The following MED27 variants were observed in gnomAD, a reference collection of about 807,000 sequenced individuals.
MED27 encodes mediator of RNA polymerase II transcription subunit 27.
In MED27, 30 loss-of-function variants were observed where a neutral mutation model predicts 38.2. The observed-to-expected ratio is 0.79, with a 90% CI of 0.59 to 1.07. The LOEUF (loss-of-function observed/expected upper bound fraction) is 1.07, where lower values mean the gene tolerates loss of function less well. Among genes scored for constraint, MED27 ranks in the 50% least tolerant of loss-of-function variants. MED27 has a pLI of 0.00. For missense variants in MED27, 289 were observed against 397.5 expected (o/e 0.73, Z 2.32); for synonymous variants, 122 against 153.5 (o/e 0.79, Z 1.52).
chr9:132,024,874 C>T (rs1280611863), intron 2 of MED27, among the ~76,000 whole-genome samples: 3 of 152,198 alleles, frequency 2.0e-5, no homozygotes, highest in Non-Finnish European at 4.4e-5. Flanking sequence ...AAGCTTGACA[C>T]GTGAAATAAT....
At chr9:131,920,065 C>A (rs902111886) in intron 4 of MED27, among the ~76,000 whole-genome samples, 1 of 152,160 alleles carries the variant, frequency 6.6e-6, no homozygotes, top group Admixed American at 6.5e-5. Flanking sequence ...CCTGCCTCAG[C>A]CTCCTAAAGT....
intron 3 of MED27, among the ~76,000 whole-genome samples, chr9:131,942,034 C>T (rs1057082809): frequency 1.3e-5 from 2 of 152,002 alleles, no homozygotes; most frequent in Admixed American, 6.6e-5. Flanking sequence ...ACCATATTAG[C>T]CAGGATGGTC....
intron 3 of MED27, among the ~76,000 whole-genome samples, chr9:131,940,373 T>C (rs1830764854): frequency 6.6e-6 from 1 of 152,228 alleles, no homozygotes; most frequent in Non-Finnish European, 1.5e-5. Flanking sequence ...TACATTTATT[T>C]ACTTATACAG....
rs544902603 is a variant in MED27, at chr9:132,014,512, G to A, written c.349-45C>T. On this transcript the variant is annotated intron_variant, in intron 2 of 7. Transcript: ENST00000292035. ...AAAAGGGGAAGAAAAATAGCATTTG[G>A]TAAAAGTAGGACAAATGGTATTAAA... is the stretch of plus-strand genomic sequence containing the variant. 12 of 1,592,390 alleles carry A rather than the reference G, an allele frequency of 7.5e-6. No homozygotes were observed. In the African/African-American group the frequency reaches 1.2e-4, roughly 16 times the overall value.
At chr9:131,881,800 C>CTTTTTTTT (rs61624043) in intron 6 of MED27, among the ~76,000 whole-genome samples, 6,124 of 60,774 alleles carry the variant, frequency 0.1, 1,198 homozygotes, top group Middle Eastern at 0.16. Flanking sequence ...TCTTCTTCTT[C>CTTTTTTTT]TTTTTTTTTT....
chr9:131,994,508 GC>G (rs967139574), intron 3 of MED27, among the ~76,000 whole-genome samples: 4 of 152,306 alleles, frequency 2.6e-5, no homozygotes, highest in Admixed American at 1.3e-4. Context: ...TTACCAGCCT[GC>G]CCCCTGCAGA....
chr9:131,955,564 G>A (rs1014079513), intron 3 of MED27, among the ~76,000 whole-genome samples: 7 of 152,194 alleles, frequency 4.6e-5, no homozygotes, highest in African/African-American at 1.7e-4. Context: ...TATCAGGAAT[G>A]AATGATGAGA....
At chr9:132,014,974 T>C (rs1161472437) in intron 2 of MED27, among the ~76,000 whole-genome samples, 2 of 152,116 alleles carry the variant, frequency 1.3e-5, no homozygotes, top group African/African-American at 4.8e-5. Flanking sequence ...AATCCAGAGG[T>C]TTTCCTTAGA....
chr9:131,878,146 T>C (rs370859110), intron 6 of MED27, among the ~76,000 whole-genome samples: 2 of 152,072 alleles, frequency 1.3e-5, no homozygotes, highest in South Asian at 2.1e-4. Context: ...TGGTAGCGCA[T>C]GCCTGTAATC....
intron 3 of MED27, among the ~76,000 whole-genome samples, chr9:131,949,748 G>C (rs1238973130): frequency 3.3e-5 from 5 of 152,302 alleles, no homozygotes; most frequent in Admixed American, 2.6e-4. Context: ...CAGGGATGCA[G>C]TGATGACTAA....
At chr9:131,922,442 C>CTT (rs67385233) in intron 4 of MED27, among the ~76,000 whole-genome samples, 2 of 120,318 alleles carry the variant, frequency 1.7e-5, no homozygotes, top group Admixed American at 1.6e-4. Context: ...GCTTCTGTGT[C>CTT]TTTTTTTTTT....
intron 3 of MED27, among the ~76,000 whole-genome samples, chr9:131,992,859 A>T (rs1427707905): frequency 1.3e-5 from 2 of 152,192 alleles, no homozygotes; most frequent in Admixed American, 6.5e-5. Context: ...CACTCTAAAC[A>T]ACAATAATTA....
intron 4 of MED27, among the ~76,000 whole-genome samples, chr9:131,923,523 A>G (rs1245379514): frequency 6.6e-6 from 1 of 152,192 alleles, no homozygotes; most frequent in Non-Finnish European, 1.5e-5. Context: ...CCTATCCCCT[A>G]AGGCATGGTC....
At chr9:131,987,273 A>G (rs978054514) in intron 3 of MED27, among the ~76,000 whole-genome samples, 4 of 152,080 alleles carry the variant, frequency 2.6e-5, no homozygotes, top group Non-Finnish European at 4.4e-5. Flanking sequence ...TACTAAGTGT[A>G]TGAACAGGAA....
chr9:131,973,623 CG>C (rs1333440110), intron 3 of MED27, among the ~76,000 whole-genome samples: 15 of 151,976 alleles, frequency 9.9e-5, no homozygotes, highest in African/African-American at 3.6e-4. Context: ...GGGCTGCAGC[CG>C]TCTTGCAGCC....
intron 3 of MED27, among the ~76,000 whole-genome samples, chr9:131,966,243 G>T (rs569505345): frequency 2.8e-5 from 4 of 143,460 alleles, no homozygotes; most frequent in African/African-American, 5.3e-5. Context: ...CAACTGATTT[G>T]CCAGGCATGG....
At chr9:132,077,983 C>A (rs569912015) in intron 1 of MED27, among the ~76,000 whole-genome samples, 21 of 152,180 alleles carry the variant, frequency 1.4e-4, no homozygotes, top group Non-Finnish European at 2.8e-4. Context: ...CTTGGCAGAA[C>A]AGCAAGTACC....
chr9:132,035,596 T>C (rs1029105840), intron 2 of MED27, among the ~76,000 whole-genome samples: 1 of 152,166 alleles, frequency 6.6e-6, no homozygotes, highest in East Asian at 1.9e-4. Flanking sequence ...AGGATGCAAA[T>C]GCATCTTAGA....
At chr9:131,916,813 G>A (rs571026549) in intron 4 of MED27, among the ~76,000 whole-genome samples, 6 of 152,104 alleles carry the variant, frequency 3.9e-5, no homozygotes, top group Admixed American at 2.6e-4. Flanking sequence ...CCATCAAATG[G>A]CATTCTAAAG....
Sources: allele counts gnomAD v4.1 joint callset (sites outside exome capture counted in the v4.1 genomes callset), GRCh38; gene constraint gnomAD v4.1.1; transcripts MANE v1.5; gene names NCBI Gene and HGNC (gene_info 2026-07-23, HGNC 2026-07-21).